Variants in ST6GALNAC3 observed in about 807,000 individuals in gnomAD.
The protein encoded by ST6GALNAC3 is alpha-N-acetylgalactosaminide alpha-2,6-sialyltransferase 3.
In ST6GALNAC3, 25 loss-of-function variants were observed where a neutral mutation model predicts 32.7. The observed-to-expected ratio is 0.76, with a 90% CI of 0.56 to 1.07. The LOEUF (loss-of-function observed/expected upper bound fraction) is 1.07, where lower values mean the gene tolerates loss of function less well. Ranked by LOEUF, ST6GALNAC3 falls within the 50% of genes least tolerant of loss-of-function variation. ST6GALNAC3 has a pLI of 0.00. For synonymous variants in ST6GALNAC3, 129 were observed against 133.1 expected (o/e 0.97, Z 0.21); for missense variants, 355 against 382.4 (o/e 0.93, Z 0.60).
chr1:76,311,323 T>C (rs1646758911), intron 1 of ST6GALNAC3, among the ~76,000 whole-genome samples: 1 of 151,522 alleles, frequency 6.6e-6, no homozygotes, highest in Non-Finnish European at 1.5e-5. Context: ...GATACATGTG[T>C]AGAATGTACA....
At position 76,412,105 on chromosome 1, in the gene ST6GALNAC3, T is replaced by C. The variant is rs372141869; in HGVS notation, c.311T>C (p.Ile104Thr). ...VGNEIDRSSC[I>T]WRMNNAPTKG... ...AATGAGATAGATCGATCCTCCTGCA[T>C]TTGGAGAATGAACAATGCCCCCACC... is the stretch of plus-strand genomic sequence containing the variant. The change falls in exon 3 of 5, where the codon ATT becomes ACT. Residue 104 changes from isoleucine to threonine, a missense_variant. By Grantham distance (89) the Ile-to-Thr change is moderately conservative. Transcript: ENST00000328299. 4.3e-6 allele frequency: 7 copies of C among 1,613,508 alleles called. No individual in the cohort carries two copies. The African/African-American group carries it at 9.4e-5, about 22-fold the overall frequency.
At chr1:76,268,530 A>G (rs1401214870) in intron 1 of ST6GALNAC3, among the ~76,000 whole-genome samples, 1 of 152,190 alleles carries the variant, frequency 6.6e-6, no homozygotes, top group East Asian at 1.9e-4. Flanking sequence ...CAAGCCATGC[A>G]CGAGTGATCT....
intron 1 of ST6GALNAC3, among the ~76,000 whole-genome samples, chr1:76,120,777 G>A (rs1648823686): frequency 6.6e-6 from 1 of 152,080 alleles, no homozygotes. Flanking sequence ...GGCATCCCAG[G>A]GAACCCAGGT....
At chr1:76,263,057 A>G (rs1658332740) in intron 1 of ST6GALNAC3, among the ~76,000 whole-genome samples, 2 of 152,108 alleles carry the variant, frequency 1.3e-5, no homozygotes, top group South Asian at 4.1e-4. Context: ...TCCAGATTTG[A>G]TCTTTAATCT....
intron 1 of ST6GALNAC3, among the ~76,000 whole-genome samples, chr1:76,103,106 GT>G (rs1158505318): frequency 0.029 from 3,902 of 136,138 alleles, 93 homozygotes; most frequent in Admixed American, 0.078. Context: ...CTGATTTTTA[GT>G]TTTTTTTTTT....
At chr1:76,101,104 C>G (rs532650038) in intron 1 of ST6GALNAC3, among the ~76,000 whole-genome samples, 3 of 152,066 alleles carry the variant, frequency 2.0e-5, no homozygotes, top group Admixed American at 2.0e-4. Flanking sequence ...ATATATCCAC[C>G]ATTGTGTCAC....
At chr1:76,536,527 C>A (rs977414043) in intron 3 of ST6GALNAC3, among the ~76,000 whole-genome samples, 2 of 151,864 alleles carry the variant, frequency 1.3e-5, no homozygotes, top group African/African-American at 4.8e-5. Context: ...GGAAACCTCC[C>A]CCATGATTCA....
intron 1 of ST6GALNAC3, among the ~76,000 whole-genome samples, chr1:76,161,272 C>T (rs1651788507): frequency 6.6e-6 from 1 of 152,202 alleles, no homozygotes; most frequent in South Asian, 2.1e-4. Context: ...TAAATTATCA[C>T]TTAGCAGCCA....
At chr1:76,551,872 A>G (rs1302178957) in intron 3 of ST6GALNAC3, among the ~76,000 whole-genome samples, 1 of 152,074 alleles carries the variant, frequency 6.6e-6, no homozygotes, top group Non-Finnish European at 1.5e-5. Context: ...GGTAACTATC[A>G]TTCCACTCTG....
At chr1:76,420,313 G>C (rs910360770) in intron 3 of ST6GALNAC3, among the ~76,000 whole-genome samples, 2 of 152,144 alleles carry the variant, frequency 1.3e-5, no homozygotes, top group South Asian at 4.1e-4. Flanking sequence ...AAGAATATCT[G>C]TTTCCCAAAT....
At chr1:76,112,027 G>T (rs1174517844) in intron 1 of ST6GALNAC3, among the ~76,000 whole-genome samples, 1 of 151,220 alleles carries the variant, frequency 6.6e-6, no homozygotes, top group East Asian at 2.0e-4. Context: ...GGGCAGAGGC[G>T]CCCCTCACCT....
chr1:76,370,526 C>T (rs1279930573), intron 2 of ST6GALNAC3, among the ~76,000 whole-genome samples: 1 of 152,080 alleles, frequency 6.6e-6, no homozygotes, highest in East Asian at 1.9e-4. Flanking sequence ...TTCATAAACT[C>T]ATAGGCATTA....
At chr1:76,498,516 C>T (rs1353227449) in intron 3 of ST6GALNAC3, among the ~76,000 whole-genome samples, 3 of 152,068 alleles carry the variant, frequency 2.0e-5, no homozygotes, top group Admixed American at 6.6e-5. Flanking sequence ...TTTAGGAAAC[C>T]TCTAAACTTG....
intron 3 of ST6GALNAC3, among the ~76,000 whole-genome samples, chr1:76,476,580 T>C (rs1659368057): frequency 6.6e-6 from 1 of 152,156 alleles, no homozygotes; most frequent in African/African-American, 2.4e-5. Flanking sequence ...AATAGAACTG[T>C]TTTTCATTGC....
At chr1:76,608,751 C>A (rs984500096) in intron 3 of ST6GALNAC3, among the ~76,000 whole-genome samples, 1 of 151,798 alleles carries the variant, frequency 6.6e-6, no homozygotes, top group African/African-American at 2.4e-5. Context: ...TTTATGTTAC[C>A]AACGTTTTCC....
At chr1:76,582,398 C>T (rs751535353) in intron 3 of ST6GALNAC3, among the ~76,000 whole-genome samples, 11 of 152,096 alleles carry the variant, frequency 7.2e-5, no homozygotes, top group African/African-American at 1.4e-4. Flanking sequence ...AGGTGGACAT[C>T]GGATAGACTT....
intron 3 of ST6GALNAC3, among the ~76,000 whole-genome samples, chr1:76,551,945 A>AC (rs1482764890): frequency 6.6e-6 from 1 of 152,162 alleles, no homozygotes; most frequent in Admixed American, 6.6e-5. Flanking sequence ...CAGTGGGGTC[A>AC]CTGCCAATGG....
At chr1:76,391,534 T>A (rs914730270) in intron 2 of ST6GALNAC3, among the ~76,000 whole-genome samples, 1 of 69,128 alleles carries the variant, frequency 1.4e-5, no homozygotes, top group Non-Finnish European at 3.2e-5. Context: ...CTTCCTTCCT[T>A]CCTTCCTTCC....
At position 76,128,401 on chromosome 1, in the gene ST6GALNAC3, G is replaced by C. The variant is rs143160322; in HGVS notation, c.18+53517G>C. Among the ~76,000 whole-genome samples the C allele has an allele frequency of 2.6e-5, 4 of 152,184 alleles. 1 individual carries two copies. The highest frequency in any genetic ancestry group is 9.7e-5 in the African/African-American group (4 of 41,440). On this transcript the variant is annotated intron_variant, in intron 1 of 4. Transcript: ENST00000328299. Reference sequence around the variant, plus strand: ...TGCCATATGATGAATACACTTAAGCGGTAGCAGAAAGTTGTGTCTCCAGAA... The same window carrying C: ...TGCCATATGATGAATACACTTAAGCCGTAGCAGAAAGTTGTGTCTCCAGAA...
Sources: gnomAD v4.1 joint callset for allele counts (sites outside exome capture counted in the v4.1 genomes callset) on GRCh38, gnomAD v4.1.1 for gene constraint, MANE v1.5 for transcripts, NCBI Gene and HGNC (gene_info 2026-07-23, HGNC 2026-07-21) for gene names.